The following ABCD2 variants were observed in gnomAD, a reference collection of about 807,000 sequenced individuals.
ABCD2 encodes the protein ATP-binding cassette sub-family D member 2.
ABCD2 carries 36 observed loss-of-function variants against 70.9 expected under a neutral mutation model. The ratio of observed to expected loss-of-function variants is 0.51; its 90% confidence interval spans 0.39 to 0.67. The LOEUF (loss-of-function observed/expected upper bound fraction) is 0.67. Ranked by LOEUF, ABCD2 falls within the 30% of genes least tolerant of loss-of-function variation. The probability of loss-of-function intolerance (pLI) is 0.00; values close to 1 mark genes in which losing one functional copy is unlikely to be tolerated. For missense variants in ABCD2, 729 were observed against 890.2 expected, an observed-to-expected ratio of 0.82 and a Z score of 2.30; for synonymous variants, 304 against 306.9, an observed-to-expected ratio of 0.99 and a Z score of 0.10.
intron 7 of ABCD2, among the ~76,000 whole-genome samples, chr12:39,581,323 A>G (rs1941592558): frequency 6.6e-6 from 1 of 152,188 alleles, no homozygotes; most frequent in Non-Finnish European, 1.5e-5. Context: ...ATCAATAAAA[A>G]ATATCTGGAG....
chr12:39,573,581 T>A, intron 9 of ABCD2, 135 bp downstream of exon 9: 1 of 829,628 alleles, frequency 1.2e-6, no homozygotes, highest in Non-Finnish European at 1.8e-6. Flanking sequence ...AAGCTACTAA[T>A]GTGCAACTTA....
intron 9 of ABCD2, among the ~76,000 whole-genome samples, chr12:39,556,669 G>C (rs1458619818): frequency 1.3e-5 from 2 of 152,082 alleles, no homozygotes; most frequent in Non-Finnish European, 2.9e-5. Context: ...CAGTAAATTG[G>C]TACTGGTAGA....
At chr12:39,541,450 G>A in the ABCD2 span, among the ~76,000 whole-genome samples, 1 of 152,194 alleles carries the variant, frequency 6.6e-6, no homozygotes, top group Non-Finnish European at 1.5e-5. Context: ...CCCATTTCAG[G>A]AAAGGAAAAA....
intron 1 of ABCD2, 55 bp from the exon 2 acceptor site, chr12:39,617,223 C>CTTT: frequency 2.2e-6 from 2 of 915,548 alleles, no homozygotes; most frequent in Non-Finnish European, 1.5e-6. Context: ...ACATATTATT[C>CTTT]TTTTTTTTTT....
intron 6 of ABCD2, among the ~76,000 whole-genome samples, chr12:39,597,818 A>G (rs746257887): frequency 6.6e-6 from 1 of 152,208 alleles, no homozygotes; most frequent in Non-Finnish European, 1.5e-5. Flanking sequence ...TAATAAAGAT[A>G]GGATAAAGGG....
intron 9 of ABCD2, among the ~76,000 whole-genome samples, chr12:39,559,582 T>C (rs1169983650): frequency 6.6e-6 from 1 of 151,802 alleles, no homozygotes; most frequent in East Asian, 1.9e-4. Flanking sequence ...GATGATATAT[T>C]ACAATCAAAC....
intron 9 of ABCD2, among the ~76,000 whole-genome samples, chr12:39,568,853 C>T (rs574053204): frequency 6.6e-6 from 1 of 152,298 alleles, no homozygotes; most frequent in Admixed American, 6.5e-5. Context: ...ACAGTCAGGA[C>T]CCTCAACTGC....
intron 6 of ABCD2, among the ~76,000 whole-genome samples, chr12:39,594,067 C>T (rs755965901): frequency 2.0e-5 from 3 of 152,190 alleles, no homozygotes; most frequent in Non-Finnish European, 4.4e-5. Flanking sequence ...ATGAGGACCT[C>T]TGCCTCCAAA....
downstream of ABCD2, among the ~76,000 whole-genome samples, chr12:39,546,964 C>A (rs1941031110): frequency 6.6e-6 from 1 of 151,866 alleles, no homozygotes; most frequent in Non-Finnish European, 1.5e-5. Flanking sequence ...AAATTGAGGC[C>A]AGATCATGGT....
chr12:39,570,767 T>G (rs756123486), intron 9 of ABCD2, among the ~76,000 whole-genome samples: 4 of 152,016 alleles, frequency 2.6e-5, no homozygotes, highest in Non-Finnish European at 5.9e-5. Context: ...TACATCAAAC[T>G]CAAAAGCTTC....
intron 6 of ABCD2, among the ~76,000 whole-genome samples, chr12:39,593,339 A>C (rs925045848): frequency 6.6e-6 from 1 of 152,060 alleles, no homozygotes; most frequent in African/African-American, 2.4e-5. Context: ...TGCAGCCTCA[A>C]CTTCCCAGAC....
At chr12:39,583,280 G>A (rs1460990811) in intron 7 of ABCD2, among the ~76,000 whole-genome samples, 1 of 152,154 alleles carries the variant, frequency 6.6e-6, no homozygotes, top group African/African-American at 2.4e-5. Context: ...TGAAGATACA[G>A]AGAACAGGGC....
At chr12:39,605,058 TAATAC>T in intron 3 of ABCD2, 128 bp from the exon 4 acceptor site, 1 of 622,754 alleles carries the variant, frequency 1.6e-6, no homozygotes, top group Non-Finnish European at 2.4e-6. Context: ...GAGATATATA[TAATAC>T]ATCTGAAAAC....
intron 2 of ABCD2, among the ~76,000 whole-genome samples, chr12:39,609,946 G>C (rs1048610371): frequency 3.9e-5 from 6 of 152,170 alleles, no homozygotes; most frequent in Non-Finnish European, 7.4e-5. Context: ...TGGTAGAAGA[G>C]AGATGTCAAA....
At chr12:39,580,579 C>A (rs114235978) in intron 7 of ABCD2, among the ~76,000 whole-genome samples, 5,363 of 151,986 alleles carry the variant, frequency 0.035, 331 homozygotes, top group African/African-American at 0.12. Context: ...TTATAAAATT[C>A]TAAAATTTTA....
chr12:39,555,417 A>C (rs1011154889), intron 9 of ABCD2, among the ~76,000 whole-genome samples: 1 of 152,156 alleles, frequency 6.6e-6, no homozygotes, highest in Non-Finnish European at 1.5e-5. Flanking sequence ...AAAATTACCT[A>C]CACACAAAAA....
rs1157424107 is a variant in ABCD2, at chr12:39,550,581, T to A, written c.*3331A>T. The A allele has an allele frequency of 1.3e-5, 2 of 151,728 alleles. No homozygotes were observed. The highest frequency in any genetic ancestry group is 3.0e-5 in the Non-Finnish European group (2 of 67,678). The allele number at this position is 151,728 out of a possible 1,614,324, so 9.4% of individuals were successfully genotyped here. On this transcript the variant is annotated 3_prime_UTR_variant, in exon 10 of 10. Coordinates refer to ENST00000308666, the MANE Select transcript of ABCD2 (RefSeq NM_005164.4). ...CAACAATGAAGAAGAAATTGGTTTT[T>A]AAAAAAATATTTTATACATCCACCT...
chr12:39,602,212 G>A (rs1320605688), intron 5 of ABCD2, among the ~76,000 whole-genome samples: 3 of 150,626 alleles, frequency 2.0e-5, no homozygotes, highest in Non-Finnish European at 4.4e-5. Flanking sequence ...GAGTGCAGTG[G>A]CATGATCTTG....
At chr12:39,572,761 C>T (rs1206566030) in intron 9 of ABCD2, among the ~76,000 whole-genome samples, 1 of 152,082 alleles carries the variant, frequency 6.6e-6, no homozygotes, top group Non-Finnish European at 1.5e-5. Flanking sequence ...TCTGATCAGC[C>T]ACCTGCCACA....
Sources: allele counts gnomAD v4.1 joint callset (sites outside exome capture counted in the v4.1 genomes callset), GRCh38; gene constraint gnomAD v4.1.1; transcripts MANE v1.5; gene names NCBI Gene and HGNC (gene_info 2026-07-23, HGNC 2026-07-21).